Variants in TCTN3 observed in about 807,000 individuals in gnomAD.
TCTN3 encodes the protein tectonic-3.
TCTN3 carries 57 observed loss-of-function variants against 71.3 expected under a neutral mutation model. The observed-to-expected ratio is 0.80, with a 90% confidence interval of 0.65 to 1.00. The LOEUF is 1.00. Ranked by LOEUF, TCTN3 falls within the 50% of genes least tolerant of loss-of-function variation. The pLI is 0.00. For synonymous variants in TCTN3, 258 were observed against 267.8 expected, an observed-to-expected ratio of 0.96 and a Z score of 0.36; for missense variants, 696 against 719.9, an observed-to-expected ratio of 0.97 and a Z score of 0.38.
chr10:95,688,474 G>A (rs1194074414), intron 3 of TCTN3, among the ~76,000 whole-genome samples: 1 of 149,224 alleles, frequency 6.7e-6, no homozygotes, highest in Non-Finnish European at 1.5e-5. Flanking sequence ...CATACCAGAT[G>A]AGTCTCTAAC....
intron 13 of TCTN3, among the ~76,000 whole-genome samples, chr10:95,666,091 C>T (rs1159622221): frequency 6.6e-6 from 1 of 152,064 alleles, no homozygotes; most frequent in Non-Finnish European, 1.5e-5. Context: ...CATGTGCCCA[C>T]CATCACACCT....
At chr10:95,688,415 A>AAAAAAAAAAAAAAAAAAAAAG (rs2097950679) in intron 3 of TCTN3, among the ~76,000 whole-genome samples, 2 of 124,036 alleles carry the variant, frequency 1.6e-5, no homozygotes, top group Non-Finnish European at 3.4e-5. Context: ...AAAAAAAAAA[A>AAAAAAAAAAAAAAAAAAAAAG]AAAGAAAAAA....
At chr10:95,670,922 C>A (rs1209862009) in intron 13 of TCTN3, among the ~76,000 whole-genome samples, 1 of 152,188 alleles carries the variant, frequency 6.6e-6, no homozygotes, top group Non-Finnish European at 1.5e-5. Context: ...CTCAGCCTGC[C>A]AAAGTGCTGA....
rs1425979461 is a variant in TCTN3, at chr10:95,685,621, T to C, written c.904A>G (p.Ile302Val). 6.4e-7 allele frequency: 1 copy of C among 1,551,442 alleles called. No individual in the cohort carries two copies. The highest frequency in any genetic ancestry group is 2.0e-5 in the Admixed American group (1 of 51,000). ...PQNMEFQVPV[I>V]LTSQANAPLL... ...GGAGCATTAGCCTGTGAGGTAAGTA[T>C]TACAGGAACCTGGAACTAGCAACGA... Residue 302 changes from isoleucine to valine, a missense_variant, in exon 8 of 14, where the codon ATA becomes GTA. Ile to Val is a conservative substitution (Grantham distance 29). Coordinates refer to ENST00000371217, the MANE Select transcript of TCTN3 (RefSeq NM_015631.6).
chr10:95,682,825 G>A (rs2097944415), intron 11 of TCTN3, 21 bp from the exon 12 acceptor site: 1 of 1,610,844 alleles, frequency 6.2e-7, no homozygotes, highest in South Asian at 1.1e-5. Flanking sequence ...ACACCATGGA[G>A]GCTGCAGTCC....
chr10:95,669,648 G>C (rs529267552), intron 13 of TCTN3, among the ~76,000 whole-genome samples: 6 of 152,296 alleles, frequency 3.9e-5, no homozygotes, highest in African/African-American at 1.4e-4. Flanking sequence ...ACTTGGCACA[G>C]AGTAAGCACT....
intron 3 of TCTN3, among the ~76,000 whole-genome samples, chr10:95,690,442 G>C (rs528353562): frequency 2.2e-4 from 33 of 152,314 alleles, no homozygotes; most frequent in Admixed American, 2.2e-3. Context: ...AAATGCTTTA[G>C]AACTTCTGAG....
intron 13 of TCTN3, among the ~76,000 whole-genome samples, chr10:95,667,034 T>A (rs564146462): frequency 8.5e-5 from 13 of 152,350 alleles, no homozygotes; most frequent in African/African-American, 3.1e-4. Flanking sequence ...AATTTCTGTA[T>A]CCTTGAGGTC....
At chr10:95,685,380 T>C (rs2097947252) in intron 8 of TCTN3, among the ~76,000 whole-genome samples, 176 bp downstream of exon 8, 1 of 152,240 alleles carries the variant, frequency 6.6e-6, no homozygotes, top group Non-Finnish European at 1.5e-5. Flanking sequence ...AATATGCTAC[T>C]TTTACCAAGG....
intron 13 of TCTN3, among the ~76,000 whole-genome samples, chr10:95,665,903 A>G (rs1463416200): frequency 6.6e-6 from 1 of 150,728 alleles, no homozygotes; most frequent in Non-Finnish European, 1.5e-5. Context: ...ATGGGTATTG[A>G]GTCAGTCCTG....
At chr10:95,672,649 A>C (rs1260184729) in intron 13 of TCTN3, among the ~76,000 whole-genome samples, 2 of 143,070 alleles carry the variant, frequency 1.4e-5, no homozygotes, top group Non-Finnish European at 3.1e-5. Flanking sequence ...TTAATGATCA[A>C]TTGTTTATCT....
At chr10:95,669,242 G>C (rs2097928525) in intron 13 of TCTN3, among the ~76,000 whole-genome samples, 1 of 152,200 alleles carries the variant, frequency 6.6e-6, no homozygotes, top group East Asian at 1.9e-4. Context: ...TAGGGCGACT[G>C]TATTAATAAC....
chr10:95,677,490 T>TTTTTTTTTG (rs2097938547), intron 13 of TCTN3, among the ~76,000 whole-genome samples: 2 of 148,072 alleles, frequency 1.4e-5, no homozygotes, highest in African/African-American at 2.5e-5. Context: ...TTTGTTTTTT[T>TTTTTTTTTG]TTTTTTTTTT....
intron 13 of TCTN3, among the ~76,000 whole-genome samples, chr10:95,676,085 A>G (rs2097936863): frequency 6.6e-6 from 1 of 151,946 alleles, no homozygotes; most frequent in Admixed American, 6.6e-5. Context: ...CCAACTTTCA[A>G]TTATAATAAA....
At chr10:95,666,116 A>G (rs2139695844) in intron 13 of TCTN3, among the ~76,000 whole-genome samples, 1 of 151,358 alleles carries the variant, frequency 6.6e-6, no homozygotes, top group East Asian at 2.0e-4. Context: ...AATTTTTTGT[A>G]TTTTTGGTAG....
chr10:95,685,475 T>G (rs1228221331), intron 8 of TCTN3, 81 bp downstream of exon 8: 3 of 1,177,500 alleles, frequency 2.5e-6, no homozygotes, highest in Non-Finnish European at 3.7e-6. Flanking sequence ...TGGGTCAGTC[T>G]GATACTTAAT....
intron 13 of TCTN3, among the ~76,000 whole-genome samples, chr10:95,665,263 C>G (rs1419502960): frequency 6.6e-6 from 1 of 151,922 alleles, no homozygotes; most frequent in Non-Finnish European, 1.5e-5. Context: ...AGTGCACAAC[C>G]ACACCTGGCT....
intron 12 of TCTN3, 121 bp downstream of exon 12, chr10:95,682,530 T>C: frequency 8.2e-7 from 1 of 1,212,848 alleles, no homozygotes; most frequent in Non-Finnish European, 1.1e-6. Flanking sequence ...TGATTTCTTA[T>C]ACTCTTCCTT....
At chr10:95,688,699 G>C (rs779577567) in intron 3 of TCTN3, among the ~76,000 whole-genome samples, 100 of 152,210 alleles carry the variant, frequency 6.6e-4, no homozygotes, top group Non-Finnish European at 1.2e-3. Flanking sequence ...CAAGATTTTA[G>C]ATACTTCAAA....
Sources: gnomAD v4.1 joint callset for allele counts (sites outside exome capture counted in the v4.1 genomes callset) on GRCh38, gnomAD v4.1.1 for gene constraint, MANE v1.5 for transcripts, NCBI Gene and HGNC (gene_info 2026-07-23, HGNC 2026-07-21) for gene names.